Variants in NCKAP5 observed in about 807,000 individuals in gnomAD.
NCKAP5 encodes nck-associated protein 5.
Under a neutral mutation model 167.0 loss-of-function variants are expected in NCKAP5, and 92 were observed. The ratio of observed to expected loss-of-function variants is 0.55; its 90% CI spans 0.47 to 0.66. The LOEUF is 0.66. Among genes scored for constraint, NCKAP5 ranks in the 30% least tolerant of loss-of-function variants. The probability of loss-of-function intolerance (pLI) is 0.00; values close to 1 mark genes in which losing one functional copy is unlikely to be tolerated. For synonymous variants in NCKAP5, 891 were observed against 877.4 expected, an observed-to-expected ratio of 1.02 and a Z score of -0.27; for missense variants, 2,378 against 2,315.0, an observed-to-expected ratio of 1.03 and a Z score of -0.56.
chr2:133,612,332 A>C, the NCKAP5 span, among the ~76,000 whole-genome samples: 2 of 152,234 alleles, frequency 1.3e-5, no homozygotes, highest in African/African-American at 4.8e-5. Flanking sequence ...CAATTGATTT[A>C]TTCCCAAAGA....
chr2:133,377,587 A>AAATGGGT (rs1469101492), intron 3 of NCKAP5, among the ~76,000 whole-genome samples: 207 of 152,298 alleles, frequency 1.4e-3, no homozygotes, highest in African/African-American at 4.8e-3. Flanking sequence ...AGGTAGAGCA[A>AAATGGGT]TTTGAAGTTA....
chr2:133,244,662 C>T (rs2087886924), intron 4 of NCKAP5, among the ~76,000 whole-genome samples: 1 of 152,048 alleles, frequency 6.6e-6, no homozygotes, highest in South Asian at 2.1e-4. Flanking sequence ...TAGAAAGAGA[C>T]TCACAGTTAA....
intron 6 of NCKAP5, among the ~76,000 whole-genome samples, chr2:133,044,795 C>T (rs796341634): frequency 2.6e-5 from 4 of 152,224 alleles, no homozygotes; most frequent in African/African-American, 9.6e-5. Context: ...TCGGACCAGG[C>T]ATGTTGGCAC....
At chr2:133,286,689 G>A (rs1679166493) in intron 4 of NCKAP5, among the ~76,000 whole-genome samples, 1 of 152,156 alleles carries the variant, frequency 6.6e-6, no homozygotes. Flanking sequence ...CACATGTCAA[G>A]AGGAAAACTC....
At chr2:133,424,095 A>G (rs915009659) in intron 3 of NCKAP5, among the ~76,000 whole-genome samples, 1 of 152,220 alleles carries the variant, frequency 6.6e-6, no homozygotes, top group African/African-American at 2.4e-5. Flanking sequence ...CAATCCCATA[A>G]TTAGGGTCTA....
chr2:132,729,061 A>T, intron 17 of NCKAP5, 109 bp from the exon 18 acceptor site: 1 of 1,438,604 alleles, frequency 7.0e-7, no homozygotes, highest in Non-Finnish European at 9.5e-7. Context: ...AGGTCCAAAT[A>T]CAGTGAAAGC....
intron 3 of NCKAP5, among the ~76,000 whole-genome samples, chr2:133,330,470 TAA>T (rs1682780731): frequency 1.3e-5 from 2 of 151,814 alleles, no homozygotes. Flanking sequence ...TGTTGCCTTT[TAA>T]AAATACATGT....
At chr2:133,430,989 G>A (rs1019538946) in intron 3 of NCKAP5, among the ~76,000 whole-genome samples, 2 of 151,776 alleles carry the variant, frequency 1.3e-5, no homozygotes, top group Non-Finnish European at 2.9e-5. Flanking sequence ...AGGAGAAAGG[G>A]GGAAAAAGAA....
intron 4 of NCKAP5, among the ~76,000 whole-genome samples, chr2:133,284,384 T>A (rs1478906608): frequency 6.6e-6 from 1 of 152,278 alleles, no homozygotes; most frequent in East Asian, 1.9e-4. Context: ...ATGGCTTATA[T>A]AAATTAATGA....
At chr2:133,287,221 A>G (rs1332190474) in intron 4 of NCKAP5, among the ~76,000 whole-genome samples, 1 of 152,178 alleles carries the variant, frequency 6.6e-6, no homozygotes, top group African/African-American at 2.4e-5. Context: ...ATCATTATTA[A>G]TTCAGTATTG....
At chr2:133,172,237 T>C (rs569252457) in intron 5 of NCKAP5, among the ~76,000 whole-genome samples, 36 of 152,288 alleles carry the variant, frequency 2.4e-4, no homozygotes, top group Non-Finnish European at 4.1e-4. Context: ...GCTTCCTAAA[T>C]AAATTCTAAC....
chr2:133,283,490 A>G (rs1048850646), intron 4 of NCKAP5, among the ~76,000 whole-genome samples: 3 of 152,184 alleles, frequency 2.0e-5, no homozygotes, highest in African/African-American at 7.2e-5. Flanking sequence ...AACATTAACT[A>G]TAATTTTTAA....
intron 3 of NCKAP5, among the ~76,000 whole-genome samples, chr2:133,447,054 C>T (rs1691238930): frequency 6.6e-6 from 1 of 152,168 alleles, no homozygotes; most frequent in Non-Finnish European, 1.5e-5. Context: ...TAAAGCTGAA[C>T]TAGTGACTCT....
chr2:133,478,913 C>A (rs565723086), intron 3 of NCKAP5, among the ~76,000 whole-genome samples: 1 of 152,056 alleles, frequency 6.6e-6, no homozygotes, highest in Admixed American at 6.6e-5. Flanking sequence ...CTAGATCCGC[C>A]CAATTGTCAC....
chr2:133,180,320 G>A (rs1029006550), intron 5 of NCKAP5, among the ~76,000 whole-genome samples: 1 of 150,728 alleles, frequency 6.6e-6, no homozygotes, highest in African/African-American at 2.4e-5. Flanking sequence ...GATTAAAGAC[G>A]TTTTTTTTTC....
intron 7 of NCKAP5, among the ~76,000 whole-genome samples, chr2:132,976,723 T>C (rs775624386): frequency 6.6e-5 from 10 of 151,950 alleles, no homozygotes; most frequent in Non-Finnish European, 1.5e-4. Flanking sequence ...CCATTCACAA[T>C]GTGTGTATAA....
At chr2:133,129,506 T>G (rs1227315633) in intron 6 of NCKAP5, among the ~76,000 whole-genome samples, 1 of 152,260 alleles carries the variant, frequency 6.6e-6, no homozygotes, top group African/African-American at 2.4e-5. Flanking sequence ...TGTTGGACAT[T>G]TGGGTTGGTT....
intron 8 of NCKAP5, among the ~76,000 whole-genome samples, chr2:132,904,785 C>T (rs1693885104): frequency 6.6e-6 from 1 of 152,176 alleles, no homozygotes; most frequent in African/African-American, 2.4e-5. Flanking sequence ...ATGGTATTTT[C>T]TAATCTGTGG....
chr2:133,613,252 C>A, the NCKAP5 span, among the ~76,000 whole-genome samples: 1 of 152,172 alleles, frequency 6.6e-6, no homozygotes, highest in Non-Finnish European at 1.5e-5. Context: ...CACAATATGA[C>A]AAAGGGGCCC....
Sources: allele counts gnomAD v4.1 joint callset (sites outside exome capture counted in the v4.1 genomes callset), GRCh38; gene constraint gnomAD v4.1.1; transcripts MANE v1.5; gene names NCBI Gene and HGNC (gene_info 2026-07-23, HGNC 2026-07-21).